Variants in COL7A1 observed in about 807,000 individuals in gnomAD.
The protein encoded by COL7A1 is collagen type VII alpha 1 chain, also known as collagen alpha-1(VII) chain.
In COL7A1, 296 loss-of-function variants were observed where a neutral mutation model predicts 456.2. The observed-to-expected ratio is 0.65, with a 90% CI of 0.59 to 0.71. The LOEUF is 0.71. COL7A1 is among the 30% of genes least tolerant of loss of function. The pLI, the probability that COL7A1 is intolerant of heterozygous loss-of-function variation, is 0.00. For missense variants in COL7A1, 3,441 were observed against 4,017.2 expected (o/e 0.86, Z 3.88); for synonymous variants, 1,464 against 1,525.9 (o/e 0.96, Z 0.95).
rs199556963 is a variant in COL7A1, at chr3:48,591,549, G to T, written c.1551C>A (p.Thr517=). ...PVSPVTDLQA[T]ELPGQRVRVS... Reference sequence around the variant, plus strand: ...CTCGCACCCGCTGCCCGGGCAGCTCGGTGGCTTGCAGGTCTGTTACAGGGC... The same window carrying T: ...CTCGCACCCGCTGCCCGGGCAGCTCTGTGGCTTGCAGGTCTGTTACAGGGC... The change falls in exon 13 of 119, where the codon ACC becomes ACA. Residue 517 remains threonine (T), a synonymous_variant. Coordinates refer to ENST00000681320, the MANE Select transcript of COL7A1 (RefSeq NM_000094.4). This position sits in a 1 kb window ranked among gnomAD's most constrained non-coding sequence, Gnocchi z 7.0. 2 of 1,613,880 alleles carry T rather than the reference G, an allele frequency of 1.2e-6. No individual in the cohort carries two copies. Among genetic ancestry groups the T allele is most frequent in the African/African-American group, 2.7e-5 (2 of 75,028 alleles).
Position 48,564,980 on chromosome 3 carries a change from T to A in COL7A1, c.8621A>T (p.Asp2874Val). ...CTCATCCAGTGGCAGGGAACAGGGGTCTGGGCCAATGGGGTCAAGTCAGCA... is the reference window on the plus strand; with the variant it reads ...CTCATCCAGTGGCAGGGAACAGGGGACTGGGCCAATGGGGTCAAGTCAGCA... ...QDPEAPWDSDDPCSLPLDEGS... is the reference protein window; with the variant it reads ...QDPEAPWDSDVPCSLPLDEGS... The change falls in exon 118 of 119, where the codon GAC (aspartate) becomes GTC (valine). Residue 2874 changes from aspartate (D) to valine (V), a missense_variant and splice_region_variant. Physicochemically the swap from Asp to Val is radical, Grantham distance 152 (BLOSUM62 -3). Coordinates refer to ENST00000681320, the MANE Select transcript of COL7A1 (RefSeq NM_000094.4). The surrounding 1 kb of genome is among the most constrained non-coding windows in gnomAD (Gnocchi z 6.0). 6.2e-7 allele frequency: 1 copy of A among 1,613,708 alleles called. No individual in the cohort carries two copies. Among genetic ancestry groups the A allele is most frequent in the Non-Finnish European group, 8.5e-7 (1 of 1,179,880 alleles).
At position 48,566,190 on chromosome 3, in the gene COL7A1, G is replaced by T; in HGVS notation, c.8407+77C>A. The T allele has an allele frequency of 6.7e-7, 1 of 1,487,338 alleles. No individual in the cohort carries two copies. Among genetic ancestry groups the T allele is most frequent in the Non-Finnish European group, 9.2e-7 (1 of 1,087,186 alleles). The allele number at this position is 1,487,338 out of a possible 1,614,324, so 92.1% of individuals were successfully genotyped here. On this transcript the variant is annotated intron_variant, in intron 114 of 118. Transcript: ENST00000681320. The surrounding 1 kb of genome is among the most constrained non-coding windows in gnomAD (Gnocchi z 5.9). ...CCCCATCTTCTTGACTGCTTGCCCT[G>T]TAAGTTCTAGGGGCCTGCCTGCCCT...
rs1029094596 is a variant in COL7A1, at chr3:48,585,877, T to C, written c.3760-21A>G. 4.3e-6 allele frequency: 7 copies of C among 1,614,014 alleles called. No homozygotes were observed. The Admixed American group carries it at 8.3e-5, about 19-fold the overall frequency. On this transcript the variant is annotated intron_variant, in intron 29 of 118. Transcript: ENST00000681320. The surrounding 1 kb of genome is among the most constrained non-coding windows in gnomAD (Gnocchi z 4.5). ...TGGCCCTGGGGAAAGACATGTCAGA[T>C]GTGGGTCAGAGTGGCTAGCCCCAGG...
Position 48,586,181 on chromosome 3 carries a change from C to T in COL7A1, c.3616G>A (p.Gly1206Ser), listed in dbSNP as rs200505918. ...AAGAAGGTCTGGACAGAGTCCATAC[C>T]CGGCGCCAAGCGACGCAGCTGCTCT... ...DPEQLRRLAP[G>S]MDSVQTFFAV... The change falls in exon 28 of 119, where the codon GGT becomes AGT. Residue 1206 changes from glycine (G) to serine (S), a missense_variant. Coordinates refer to ENST00000681320, the MANE Select transcript of COL7A1 (RefSeq NM_000094.4). This position sits in a 1 kb window ranked among gnomAD's most constrained non-coding sequence, Gnocchi z 5.1. 1 of 1,613,350 alleles carries T rather than the reference C, an allele frequency of 6.2e-7. No homozygotes were observed. The highest frequency in any genetic ancestry group is 1.7e-5 in the Admixed American group (1 of 60,028).
rs982907630 is a variant in COL7A1 at position 48,590,796 on chromosome 3, G to GAAC, written c.1656_1657insGTT (p.Val552dup). On this transcript the variant is annotated inframe_insertion, in exon 14 of 119. Coordinates refer to ENST00000681320, the MANE Select transcript of COL7A1 (RefSeq NM_000094.4). This position sits in a 1 kb window ranked among gnomAD's most constrained non-coding sequence, Gnocchi z 4.6. ...TCGAATGCTGTCTGACTCCCAGGAA[G>GAAC]CACCAGGGTCCGCTCAACCCCTAAG... 6.2e-7 allele frequency: 1 copy of GAAC among 1,613,608 alleles called. No individual in the cohort carries two copies. Among genetic ancestry groups the GAAC allele is most frequent in the Admixed American group, 1.7e-5 (1 of 60,000 alleles).
At position 48,588,162 on chromosome 3, in the gene COL7A1, G is replaced by A. The variant is rs186196490; in HGVS notation, c.2710+120C>T. On this transcript the variant is annotated intron_variant, in intron 21 of 118. Coordinates refer to ENST00000681320, the MANE Select transcript of COL7A1 (RefSeq NM_000094.4). The surrounding 1 kb of genome is among the most constrained non-coding windows in gnomAD (Gnocchi z 4.6). ...ATTGATTGATCTTACCTACTGTCACGGATCCCGCAGACCCCCAGTGACAGA... is the reference window on the plus strand; with the variant it reads ...ATTGATTGATCTTACCTACTGTCACAGATCCCGCAGACCCCCAGTGACAGA... 8.7e-5 allele frequency: 130 copies of A among 1,493,776 alleles called. No homozygotes were observed. The African/African-American group carries it at 1.3e-3, about 15-fold the overall frequency. 92.5% of individuals were successfully genotyped at this position (1,493,776 alleles called of 1,614,324 possible).
rs1553613528 is a variant in COL7A1 at position 48,588,280 on chromosome 3, A to G, written c.2710+2T>C. 7.4e-6 allele frequency: 12 copies of G among 1,612,520 alleles called. No individual in the cohort carries two copies. Among genetic ancestry groups the G allele is most frequent in the Non-Finnish European group, 1.0e-5 (12 of 1,179,858 alleles). On this transcript the variant is annotated splice_donor_variant, in intron 21 of 118. Transcript: ENST00000681320. LOFTEE classifies it high-confidence loss of function. This position sits in a 1 kb window ranked among gnomAD's most constrained non-coding sequence, Gnocchi z 4.6. The stretch of plus-strand genomic sequence containing the variant: ...TAACTTCCTCCTGGGGACACCTCTC[A>G]CCCTCAGGTTGCCAGTGCAGAAGGA...
rs912479064 is a variant in COL7A1, at chr3:48,564,920, T to C, written c.8681A>G (p.His2894Arg). ...CTCTGTGCTGCCTGTCACAGCCCGA[T>C]GGTACCAGCGCAGGGTGTAGGCAGT... ...SCTAYTLRWYHRAVTGSTEAC... is the reference protein window; with the variant it reads ...SCTAYTLRWYRRAVTGSTEAC... The change falls in exon 118 of 119, where the codon CAT becomes CGT. Residue 2894 changes from histidine (H) to arginine (R), a missense_variant. This residue lies in a region of COL7A1 where 2,084 missense variants were observed against 2,501.3 expected (regional missense o/e 0.83). Transcript: ENST00000681320. The surrounding 1 kb of genome is among the most constrained non-coding windows in gnomAD (Gnocchi z 6.0). 1.9e-6 allele frequency: 3 copies of C among 1,614,038 alleles called. No individual in the cohort carries two copies. The highest frequency in any genetic ancestry group is 1.7e-5 in the Admixed American group (1 of 60,010).
rs2045960744 is a variant in COL7A1, at chr3:48,594,782, G to A, written c.86-234C>T. ...GGGGGAGGGAGAGTCGCCAGCACGGGTGTGGACTTGGGACTGAGGTCAGCC... is the reference window on the plus strand; with the variant it reads ...GGGGGAGGGAGAGTCGCCAGCACGGATGTGGACTTGGGACTGAGGTCAGCC... On this transcript the variant is annotated intron_variant, in intron 2 of 118. Coordinates refer to ENST00000681320, the MANE Select transcript of COL7A1 (RefSeq NM_000094.4). The surrounding 1 kb of genome is among the most constrained non-coding windows in gnomAD (Gnocchi z 5.5). 6.6e-6 allele frequency among the ~76,000 whole-genome samples: 1 copy of A among 152,212 alleles called. No individual in the cohort carries two copies. The highest frequency in any genetic ancestry group is 1.5e-5 in the Non-Finnish European group (1 of 68,040).
At position 48,593,236 on chromosome 3, in the gene COL7A1, A is replaced by G; in HGVS notation, c.548T>C (p.Leu183Pro). Residue 183 changes from leucine to proline, a missense_variant, in exon 6 of 119, where the codon CTG becomes CCG. Transcript: ENST00000681320. This position sits in a 1 kb window ranked among gnomAD's most constrained non-coding sequence, Gnocchi z 4.4. Reference sequence around the variant, plus strand: ...GGTGGGCTGTGAGGCAACTCGCTTCAGCTCCTCAGGGTCAGCATTCTTGAT... The same window carrying G: ...GGTGGGCTGTGAGGCAACTCGCTTCGGCTCCTCAGGGTCAGCATTCTTGAT... ...VGIKNADPEE[L>P]KRVASQPTSD... 1 of 1,614,132 alleles carries G rather than the reference A, an allele frequency of 6.2e-7. No homozygotes were observed. Among genetic ancestry groups the G allele is most frequent in the South Asian group, 1.1e-5 (1 of 91,090 alleles).
chr3:48,586,349 C>A lies in COL7A1; in HGVS notation c.3533G>T (p.Arg1178Leu). 3 of 1,613,852 alleles carry A rather than the reference C, an allele frequency of 1.9e-6. No individual in the cohort carries two copies. Among genetic ancestry groups the A allele is most frequent in the Non-Finnish European group, 2.5e-6 (3 of 1,179,960 alleles). The change falls in exon 27 of 119, where the codon CGT (arginine) becomes CTT (leucine). Residue 1178 changes from arginine (R) to leucine (L), a missense_variant. Arg to Leu is a moderately radical substitution (Grantham distance 102, BLOSUM62 -2). Coordinates refer to ENST00000681320, the MANE Select transcript of COL7A1 (RefSeq NM_000094.4). The surrounding 1 kb of genome is among the most constrained non-coding windows in gnomAD (Gnocchi z 5.1). The stretch of plus-strand genomic sequence containing the variant: ...CTCCTTACCAGAAGCCTGGGCCTCA[C>A]GGATGGGGCTGAATATGTCACCTCT... ...PLRGDIFSPI[R>L]EAQASGLNVV...
Position 48,586,413 on chromosome 3 carries a change from C to T in COL7A1, c.3469G>A (p.Val1157Ile), listed in dbSNP as rs750102430. The T allele has an allele frequency of 1.7e-5, 27 of 1,613,892 alleles. No homozygotes were observed. Among genetic ancestry groups the T allele is most frequent in the South Asian group, 3.3e-5 (3 of 91,088 alleles). Residue 1157 changes from valine (V) to isoleucine (I), a missense_variant, in exon 27 of 119, where the codon GTA becomes ATA. By Grantham distance (29) the Val-to-Ile change is conservative. This residue lies in a region of COL7A1 where 2,084 missense variants were observed against 2,501.3 expected (regional missense o/e 0.83). Transcript: ENST00000681320. The surrounding 1 kb of genome is among the most constrained non-coding windows in gnomAD (Gnocchi z 5.1). ...ACTAGCAGAACCATCACCCCTGGTA[C>T]GTGCTGGCGGCGCCCAGGAGCATCT... ...APDAPGRRQH[V>I]PGVMVLLVDE...
chr3:48,592,615 A>G lies in COL7A1; in HGVS notation c.931T>C (p.Tyr311His), dbSNP rs1405989895. Residue 311 changes from tyrosine (Y) to histidine (H), a missense_variant, in exon 8 of 119, where the codon TAC becomes CAC. By Grantham distance (83) the Tyr-to-His change is moderately conservative (BLOSUM62 2). Transcript: ENST00000681320. This position sits in a 1 kb window ranked among gnomAD's most constrained non-coding sequence, Gnocchi z 7.6. ...TEYQVTVIAL[Y>H]ANSIGEAVSG... is the part of the protein sequence containing the mutation. ...ACAGCCTCCCCGATGCTGTTGGCGT[A>G]GAGGGCAATCACAGTCACTTGGTAC... 2 of 1,614,026 alleles carry G rather than the reference A, an allele frequency of 1.2e-6. No individual in the cohort carries two copies. The highest frequency in any genetic ancestry group is 1.7e-6 in the Non-Finnish European group (2 of 1,180,030).
chr3:48,580,876 ACT>A lies in COL7A1; in HGVS notation c.4980+4_4980+5del. The A allele has an allele frequency of 6.2e-7, 1 of 1,613,422 alleles. No homozygotes were observed. The highest frequency in any genetic ancestry group is 8.5e-7 in the Non-Finnish European group (1 of 1,179,910). On this transcript the variant is annotated splice_donor_5th_base_variant and intron_variant, in intron 54 of 118. Coordinates refer to ENST00000681320, the MANE Select transcript of COL7A1 (RefSeq NM_000094.4). This position sits in a 1 kb window ranked among gnomAD's most constrained non-coding sequence, Gnocchi z 4.5. ...ACCCCTGTTACTTCTCTCTGCCAAG[ACT>A]CACCCGAAGGCCACGCTCGCCTGCT... is the stretch of plus-strand genomic sequence containing the variant.
At position 48,593,761 on chromosome 3, in the gene COL7A1, A is replaced by C. The variant is rs2045877762; in HGVS notation, c.267-65T>G. On this transcript the variant is annotated intron_variant, in intron 3 of 118. Transcript: ENST00000681320. This position sits in a 1 kb window ranked among gnomAD's most constrained non-coding sequence, Gnocchi z 4.4. ...ATCTCTTCTGGCCCTGGCCTTGAGG[A>C]GGCCTCTAGGGTGAGGGTTACGGGT... 1.3e-6 allele frequency: 2 copies of C among 1,595,818 alleles called. No individual in the cohort carries two copies. Among genetic ancestry groups the C allele is most frequent in the Admixed American group, 1.7e-5 (1 of 59,984 alleles).
chr3:48,592,847 A>G lies in COL7A1; in HGVS notation c.774T>C (p.Pro258=). 2 of 1,613,940 alleles carry G rather than the reference A, an allele frequency of 1.2e-6. No homozygotes were observed. Among genetic ancestry groups the G allele is most frequent in the African/African-American group, 1.3e-5 (1 of 75,056 alleles). Reference sequence around the variant, plus strand: ...TGTACTGGACCTTGTAGCCAGTCACAGGGCCACTGGCCGCTGTCCACTGTA... The same window carrying G: ...TGTACTGGACCTTGTAGCCAGTCACGGGGCCACTGGCCGCTGTCCACTGTA... ...LRVQWTAASG[P]VTGYKVQYTP... Residue 258 remains proline, a synonymous_variant, in exon 7 of 119, where the codon CCT becomes CCC. Transcript: ENST00000681320. The surrounding 1 kb of genome is among the most constrained non-coding windows in gnomAD (Gnocchi z 7.6).
At position 48,595,074 on chromosome 3, in the gene COL7A1, C is replaced by T. The variant is rs1451492454; in HGVS notation, c.85+1G>A. ...GCCGGGTCCTCCCTTGCGGTGCCCA[C>T]CTCTCTCCCTGTGCTGGGCTCGCAC... On this transcript the variant is annotated splice_donor_variant, in intron 2 of 118. Transcript: ENST00000681320. LOFTEE classifies it high-confidence loss of function. The T allele has an allele frequency of 1.3e-6, 2 of 1,549,454 alleles. No homozygotes were observed. Among genetic ancestry groups the T allele is most frequent in the South Asian group, 1.2e-5 (1 of 84,044 alleles).
chr3:48,584,694 C>A, intron 35 of COL7A1, 40 bp downstream of exon 35: 1 of 1,613,916 alleles, frequency 6.2e-7, no homozygotes, highest in South Asian at 1.1e-5. Context: ...CCTGCTCCTC[C>A]CTGGGACATC....
Position 48,587,809 on chromosome 3 carries a change from C to A in COL7A1, c.2841G>T (p.Glu947Asp). 1 of 1,613,366 alleles carries A rather than the reference C, an allele frequency of 6.2e-7. No homozygotes were observed. Among genetic ancestry groups the A allele is most frequent in the Non-Finnish European group, 8.5e-7 (1 of 1,179,960 alleles). ...LGPAGEGPSAEVTARTESPRV... is the reference protein window; with the variant it reads ...LGPAGEGPSADVTARTESPRV... ...CAGGCTTACCAGTGCGCGCAGTCAC[C>A]TCTGCAGAGGGCCCTTCTCCAGCTG... Residue 947 changes from glutamate (E) to aspartate (D), a missense_variant, in exon 22 of 119, where the codon GAG (glutamate) becomes GAT (aspartate). Transcript: ENST00000681320. This position sits in a 1 kb window ranked among gnomAD's most constrained non-coding sequence, Gnocchi z 6.1.
Sources: allele counts gnomAD v4.1 joint callset (sites outside exome capture counted in the v4.1 genomes callset), GRCh38; gene constraint gnomAD v4.1.1; regional missense constraint gnomAD v4.1.1; non-coding constraint Gnocchi (gnomAD v3.1); transcripts MANE v1.5; gene names NCBI Gene and HGNC (gene_info 2026-07-23, HGNC 2026-07-21).